Variants in ARHGEF3 observed in about 807,000 individuals in gnomAD.
The protein encoded by ARHGEF3 is 59.8 kDA protein.
ARHGEF3 carries 28 observed loss-of-function variants against 63.2 expected under a neutral mutation model. The observed-to-expected ratio is 0.44, with a 90% CI of 0.33 to 0.61. ARHGEF3 has a LOEUF of 0.61. Among genes scored for constraint, ARHGEF3 ranks in the 20% least tolerant of loss-of-function variants. The pLI is 0.03. For missense variants in ARHGEF3, 533 were observed against 659.3 expected (o/e 0.81, Z 2.10); for synonymous variants, 266 against 254.2 (o/e 1.05, Z -0.44).
In ARHGEF3 at chr3:56,811,502, C is replaced by T. The variant is rs372323235; in HGVS notation, c.193-37686G>A. On this transcript the variant is annotated intron_variant, in intron 4 of 12. Coordinates refer to the ARHGEF3 transcript ENST00000338458. ...TCTGGTGGGAGTGGAAACTGGCTGG[C>T]GTATGCTAGAAGCAGCATATTAGCT... 3.9e-5 allele frequency among the ~76,000 whole-genome samples: 6 copies of T among 152,094 alleles called. No individual in the cohort carries two copies. In the East Asian group the frequency reaches 5.8e-4, roughly 15 times the overall value.
chr3:57,042,717 G>A (rs1319921790), intron 1 of ARHGEF3, among the ~76,000 whole-genome samples: 1 of 44,758 alleles, frequency 2.2e-5, no homozygotes, highest in South Asian at 8.3e-4. Context: ...TTTTTTTTTA[G>A]ACGGAGTCTC....
intron 2 of ARHGEF3, among the ~76,000 whole-genome samples, chr3:56,991,125 A>G (rs1380459135): frequency 6.6e-6 from 1 of 152,020 alleles, no homozygotes; most frequent in Non-Finnish European, 1.5e-5. Context: ...TAACTGCCCC[A>G]TTACCCTAGT....
intron 1 of ARHGEF3, among the ~76,000 whole-genome samples, chr3:57,045,306 G>A (rs1704404323): frequency 6.6e-6 from 1 of 152,172 alleles, no homozygotes; most frequent in Non-Finnish European, 1.5e-5. Flanking sequence ...CTGTCAGCCT[G>A]TCTCTCTCTG....
intron 1 of ARHGEF3, among the ~76,000 whole-genome samples, chr3:57,041,187 A>T (rs72874136): frequency 0.011 from 1,639 of 152,322 alleles, 24 homozygotes; most frequent in African/African-American, 0.032. Context: ...GTGAACTTCC[A>T]GTGCTAATTA....
chr3:57,031,978 C>A (rs1703753100), intron 2 of ARHGEF3, among the ~76,000 whole-genome samples: 1 of 152,138 alleles, frequency 6.6e-6, no homozygotes, highest in Non-Finnish European at 1.5e-5. Context: ...GAAATATATA[C>A]TAAAAGATGG....
chr3:56,808,448 G>A (rs2037945623), intron 4 of ARHGEF3, among the ~76,000 whole-genome samples: 1 of 152,072 alleles, frequency 6.6e-6, no homozygotes, highest in South Asian at 2.1e-4. Context: ...AAAGTAGCTG[G>A]GCGTAGTAGC....
At chr3:56,769,820 A>G (rs541305374) in intron 2 of ARHGEF3, among the ~76,000 whole-genome samples, 2 of 152,344 alleles carry the variant, frequency 1.3e-5, no homozygotes, top group South Asian at 4.1e-4. Flanking sequence ...AAAGGAATAT[A>G]TATGTCTCTA....
intron 2 of ARHGEF3, among the ~76,000 whole-genome samples, chr3:56,968,260 TAA>T (rs1700733085): frequency 1.2e-3 from 34 of 29,328 alleles, no homozygotes; most frequent in African/African-American, 2.8e-3. Context: ...ATATAATATT[TAA>T]ATATATAATA....
At chr3:56,929,477 A>G (rs2042356392) in intron 3 of ARHGEF3, among the ~76,000 whole-genome samples, 1 of 152,196 alleles carries the variant, frequency 6.6e-6, no homozygotes, top group African/African-American at 2.4e-5. Context: ...GTGCCCACAC[A>G]TCACCTGGGG....
At chr3:56,931,302 G>GC (rs528543605) in intron 3 of ARHGEF3, among the ~76,000 whole-genome samples, 260 of 152,054 alleles carry the variant, frequency 1.7e-3, no homozygotes, top group Non-Finnish European at 2.7e-3. Context: ...TTGGCCAGGT[G>GC]CAGTGGCTCA....
chr3:56,844,868 C>A (rs2039432051), intron 4 of ARHGEF3, among the ~76,000 whole-genome samples: 1 of 152,186 alleles, frequency 6.6e-6, no homozygotes, highest in African/African-American at 2.4e-5. Context: ...CCAGAATAGG[C>A]TGGCATACTG....
intron 2 of ARHGEF3, among the ~76,000 whole-genome samples, chr3:57,030,582 G>A (rs1333462179): frequency 1.3e-5 from 2 of 152,124 alleles, no homozygotes; most frequent in Non-Finnish European, 2.9e-5. Flanking sequence ...TTTCACCACA[G>A]GTCCATTCAT....
intron 3 of ARHGEF3, among the ~76,000 whole-genome samples, chr3:56,910,248 C>G (rs545773680): frequency 7.7e-4 from 118 of 152,300 alleles, no homozygotes; most frequent in African/African-American, 2.8e-3. Context: ...CCCATTTTCT[C>G]TGGGCTGGTA....
chr3:56,933,140 T>G (rs534637321), intron 3 of ARHGEF3, among the ~76,000 whole-genome samples: 3 of 152,302 alleles, frequency 2.0e-5, no homozygotes, highest in African/African-American at 7.2e-5. Context: ...TGAATTACCA[T>G]CAGTCAACAC....
chr3:56,802,530 A>G (rs1173928821), upstream of ARHGEF3, among the ~76,000 whole-genome samples: 1 of 152,176 alleles, frequency 6.6e-6, no homozygotes, highest in Non-Finnish European at 1.5e-5. Flanking sequence ...AAATGTAAAC[A>G]CCCGTATAAC....
intron 3 of ARHGEF3, among the ~76,000 whole-genome samples, chr3:56,942,868 C>T (rs955083116): frequency 6.6e-6 from 1 of 152,180 alleles, no homozygotes; most frequent in Non-Finnish European, 1.5e-5. Context: ...TCAAACCAGC[C>T]ACAACATTCC....
intron 3 of ARHGEF3, among the ~76,000 whole-genome samples, chr3:56,937,056 C>G (rs867555691): frequency 1.4e-4 from 21 of 152,124 alleles, no homozygotes; most frequent in African/African-American, 4.8e-4. Context: ...TTTTCAAAAA[C>G]TGGAGGGACG....
At chr3:57,077,279 C>A (rs1433612230) in intron 1 of ARHGEF3, among the ~76,000 whole-genome samples, 2 of 151,150 alleles carry the variant, frequency 1.3e-5, no homozygotes, top group Non-Finnish European at 2.9e-5. Flanking sequence ...GGAGGGGGCA[C>A]AAAGGGCAGC....
chr3:56,803,485 A>AAAAAGAAAAG (rs139819365), upstream of ARHGEF3, among the ~76,000 whole-genome samples: 1 of 151,534 alleles, frequency 6.6e-6, no homozygotes, highest in Non-Finnish European at 1.5e-5. Context: ...GGAAGAAAGG[A>AAAAAGAAAAG]AAAAGAAAAG....
Sources: gnomAD v4.1 joint callset for allele counts (sites outside exome capture counted in the v4.1 genomes callset) on GRCh38, gnomAD v4.1.1 for gene constraint, MANE v1.5 for transcripts, NCBI Gene and HGNC (gene_info 2026-07-23, HGNC 2026-07-21) for gene names.